ZNF33A: variants seen among roughly 807,000 people sequenced by gnomAD.
ZNF33A encodes brain my041 protein.
In ZNF33A, 9 loss-of-function variants were observed where a neutral mutation model predicts 15.9. That is an observed-to-expected ratio of 0.57 (90% confidence interval 0.34 to 0.99). The LOEUF is 0.99. Ranked by LOEUF, ZNF33A falls within the 50% of genes least tolerant of loss-of-function variation. The pLI is 0.02. For missense variants in ZNF33A, 843 were observed against 941.6 expected, an observed-to-expected ratio of 0.90 and a Z score of 1.37; for synonymous variants, 294 against 324.2, an observed-to-expected ratio of 0.91 and a Z score of 1.00.
intron 1 of ZNF33A, among the ~76,000 whole-genome samples, chr10:38,011,458 G>T (rs924313922): frequency 6.6e-6 from 1 of 152,112 alleles, no homozygotes; most frequent in Non-Finnish European, 1.5e-5. Context: ...GGTGGCGCAT[G>T]CCTGTAATCC....
At chr10:38,052,627 A>G (rs2066256829) in intron 4 of ZNF33A, among the ~76,000 whole-genome samples, 1 of 152,188 alleles carries the variant, frequency 6.6e-6, no homozygotes. Flanking sequence ...GGAAGTAGAC[A>G]GGAAACTTGT....
intron 4 of ZNF33A, among the ~76,000 whole-genome samples, chr10:38,030,677 A>T (rs1169519779): frequency 6.6e-6 from 1 of 152,124 alleles, no homozygotes; most frequent in Non-Finnish European, 1.5e-5. Flanking sequence ...AAGAAGGGAG[A>T]AGAATGGCTG....
At position 38,021,924 on chromosome 10, in the gene ZNF33A, T is replaced by C. The variant is rs190095810; in HGVS notation, c.250+4538T>C. Among the ~76,000 whole-genome samples, 805 of 152,206 alleles carry C rather than the reference T, an allele frequency of 5.3e-3. 3 individuals carry two copies. Among genetic ancestry groups the C allele is most frequent in the Non-Finnish European group, 9.6e-3 (654 of 68,006 alleles). ...GAAGAAGGGGCCTCAAATTCAATAG[T>C]AGAAATGCATAGACTTAATGAAAAT... On this transcript the variant is annotated intron_variant, in intron 4 of 4. Coordinates refer to ENST00000432900, the MANE Select transcript of ZNF33A (RefSeq NM_006954.2).
rs534232449 is a variant in ZNF33A, at chr10:38,055,088, G to A, written c.964G>A (p.Gly322Ser). The part of the protein sequence containing the change: ...RKLCLSHLQK[G>S]DKGEKHFECN... ...ATTGTGTCTGTCACACCTTCAGAAAGGTGATAAAGGAGAGAAACACTTTGA... is the reference window on the plus strand; with the variant it reads ...ATTGTGTCTGTCACACCTTCAGAAAAGTGATAAAGGAGAGAAACACTTTGA... The change falls in exon 5 of 5, where the codon GGT becomes AGT. Residue 322 changes from glycine (G) to serine (S), a missense_variant. Transcript: ENST00000432900. The A allele has an allele frequency of 6.8e-6, 11 of 1,614,102 alleles. No homozygotes were observed. The East Asian group carries it at 8.9e-5, about 13-fold the overall frequency.
chr10:38,050,312 G>T (rs1209482669), intron 4 of ZNF33A, among the ~76,000 whole-genome samples: 10 of 152,190 alleles, frequency 6.6e-5, no homozygotes, highest in Non-Finnish European at 1.3e-4. Context: ...ACCAAATGTG[G>T]TTAATCCCTG....
chr10:38,026,342 A>AGATT (rs57258700), intron 4 of ZNF33A, among the ~76,000 whole-genome samples: 8 of 146,586 alleles, frequency 5.5e-5, no homozygotes, highest in Non-Finnish European at 1.2e-4. Flanking sequence ...ATAGATAGAT[A>AGATT]ATTTGTTTTT....
At chr10:38,028,871 G>A (rs907476592) in intron 4 of ZNF33A, among the ~76,000 whole-genome samples, 3 of 152,030 alleles carry the variant, frequency 2.0e-5, no homozygotes, top group Admixed American at 6.6e-5. Flanking sequence ...CATGGGGATT[G>A]CTTTCACATT....
chr10:38,042,503 CTT>C (rs34942508), intron 4 of ZNF33A, among the ~76,000 whole-genome samples: 9 of 135,508 alleles, frequency 6.6e-5, no homozygotes, highest in Admixed American at 7.4e-5. Context: ...TTGCTTTATT[CTT>C]TTTTTTTTTT....
intron 4 of ZNF33A, among the ~76,000 whole-genome samples, chr10:38,033,014 C>T (rs2065279995): frequency 6.6e-6 from 1 of 152,198 alleles, no homozygotes; most frequent in African/African-American, 2.4e-5. Flanking sequence ...TCCCAAAGTG[C>T]TGGGATTATA....
At chr10:38,039,070 T>G (rs1249943279) in intron 4 of ZNF33A, among the ~76,000 whole-genome samples, 1 of 152,180 alleles carries the variant, frequency 6.6e-6, no homozygotes, top group African/African-American at 2.4e-5. Context: ...AGTAGTAGTA[T>G]TGGGATCATA....
intron 4 of ZNF33A, among the ~76,000 whole-genome samples, chr10:38,041,954 T>C (rs369880912): frequency 2.6e-5 from 4 of 152,126 alleles, no homozygotes; most frequent in Non-Finnish European, 5.9e-5. Context: ...TCTTCTTAAG[T>C]TTCCTCCCCT....
chr10:38,014,945 C>CT (rs2064380275), intron 2 of ZNF33A, among the ~76,000 whole-genome samples: 1 of 150,606 alleles, frequency 6.6e-6, no homozygotes, highest in Admixed American at 6.6e-5. Flanking sequence ...ACGATCTCAG[C>CT]TTATGCAACC....
chr10:38,038,605 C>T (rs2065555453), intron 4 of ZNF33A, among the ~76,000 whole-genome samples: 1 of 152,164 alleles, frequency 6.6e-6, no homozygotes, highest in African/African-American at 2.4e-5. Context: ...CTTTTCTTGA[C>T]TAGAATCTCC....
chr10:38,049,321 T>C (rs189571411), intron 4 of ZNF33A, among the ~76,000 whole-genome samples: 1 of 152,236 alleles, frequency 6.6e-6, no homozygotes, highest in East Asian at 1.9e-4. Flanking sequence ...GATTTCATTG[T>C]TTTCCATTTT....
intron 4 of ZNF33A, among the ~76,000 whole-genome samples, chr10:38,023,038 C>T (rs530498210): frequency 2.0e-5 from 3 of 152,112 alleles, no homozygotes; most frequent in South Asian, 2.1e-4. Context: ...CTCTGCCTCC[C>T]GGGTTCAGAT....
At position 38,058,109 on chromosome 10, in the gene ZNF33A, G is replaced by A. The variant is rs2066558841; in HGVS notation, c.*1549G>A. ...CTTCCACTTTAGGAAACTAGAAAAA[G>A]AAGAGCAAATTAAATCCAAAGTAAC... is the stretch of plus-strand genomic sequence containing the variant. On this transcript the variant is annotated 3_prime_UTR_variant, in exon 5 of 5. Coordinates refer to ENST00000432900, the MANE Select transcript of ZNF33A (RefSeq NM_006954.2). 1 of 935,582 alleles carries A rather than the reference G, an allele frequency of 1.1e-6. No individual in the cohort carries two copies. The highest frequency in any genetic ancestry group is 1.8e-5 in the African/African-American group (1 of 56,140). The allele number at this position is 935,582 out of a possible 1,614,324, so 58.0% of individuals were successfully genotyped here.
intron 4 of ZNF33A, among the ~76,000 whole-genome samples, chr10:38,053,205 G>A (rs1324750270): frequency 6.6e-6 from 1 of 152,158 alleles, no homozygotes; most frequent in Non-Finnish European, 1.5e-5. Context: ...AGACTGGGTA[G>A]CTTAAATAAA....
intron 4 of ZNF33A, among the ~76,000 whole-genome samples, chr10:38,031,577 AAAAAG>A (rs1209700233): frequency 2.6e-5 from 4 of 151,246 alleles, no homozygotes; most frequent in African/African-American, 4.8e-5. Context: ...CTCAAAAAAA[AAAAAG>A]AAAAGAAAAA....
Position 38,058,184 on chromosome 10 carries a change from A to G in ZNF33A, c.*1624A>G. ...CATTGAAATTGAAAAGAGAAAATCG[A>G]TAAAACCCAAAACTGGTTCCTTGAA... On this transcript the variant is annotated 3_prime_UTR_variant, in exon 5 of 5. Coordinates refer to ENST00000432900, the MANE Select transcript of ZNF33A (RefSeq NM_006954.2). 1.8e-6 allele frequency: 1 copy of G among 543,234 alleles called. No individual in the cohort carries two copies. The allele number at this position is 543,234 out of a possible 1,614,324, so 33.7% of individuals were successfully genotyped here. A position where few individuals can be genotyped will look rare whatever the true frequency, so the allele number is the denominator to read the frequency against.
Sources: gnomAD v4.1 joint callset for allele counts (sites outside exome capture counted in the v4.1 genomes callset) on GRCh38, gnomAD v4.1.1 for gene constraint, MANE v1.5 for transcripts, NCBI Gene and HGNC (gene_info 2026-07-23, HGNC 2026-07-21) for gene names.